The following ADGRL3 variants were observed in gnomAD, a reference collection of about 807,000 sequenced individuals.
ADGRL3 encodes calcium-independent alpha-latrotoxin receptor 3.
Under a neutral mutation model 153.5 loss-of-function variants are expected in ADGRL3, and 62 were observed. The observed-to-expected ratio is 0.40, with a 90% confidence interval of 0.33 to 0.50. The LOEUF (loss-of-function observed/expected upper bound fraction) is 0.50, where lower values mean the gene tolerates loss of function less well. Among genes scored for constraint, ADGRL3 ranks in the 20% least tolerant of loss-of-function variants. The probability of loss-of-function intolerance (pLI) is 0.47; values close to 1 mark genes in which losing one functional copy is unlikely to be tolerated. For missense variants in ADGRL3, 1,641 were observed against 1,859.4 expected, an observed-to-expected ratio of 0.88 and a Z score of 2.16; for synonymous variants, 710 against 672.5, an observed-to-expected ratio of 1.06 and a Z score of -0.86.
At chr4:61,999,507 A>T (rs536463845) in intron 21 of ADGRL3, among the ~76,000 whole-genome samples, 1 of 152,214 alleles carries the variant, frequency 6.6e-6, no homozygotes, top group Non-Finnish European at 1.5e-5. Flanking sequence ...TTGCATTTTC[A>T]TATAATTTGC....
intron 4 of ADGRL3, among the ~76,000 whole-genome samples, chr4:61,550,520 G>A (rs577628602): frequency 6.6e-6 from 1 of 152,024 alleles, no homozygotes. Flanking sequence ...AAAATATTAT[G>A]GCAAAACATA....
chr4:61,625,239 C>T (rs1381055910), intron 5 of ADGRL3, among the ~76,000 whole-genome samples: 1 of 151,876 alleles, frequency 6.6e-6, no homozygotes, highest in African/African-American at 2.4e-5. Flanking sequence ...AGTGAACAAA[C>T]TAGATAAAGT....
At chr4:61,373,789 C>T (rs915122920) in intron 1 of ADGRL3, among the ~76,000 whole-genome samples, 5 of 151,984 alleles carry the variant, frequency 3.3e-5, no homozygotes. Context: ...TAACTTTTTC[C>T]TACAAAAAGC....
chr4:61,414,513 G>C (rs1471872167), intron 2 of ADGRL3, among the ~76,000 whole-genome samples: 2 of 151,984 alleles, frequency 1.3e-5, no homozygotes, highest in Non-Finnish European at 2.9e-5. Flanking sequence ...AAATAGATGA[G>C]TTACTTCAGA....
At chr4:61,959,408 C>CTT (rs1223476745) in intron 17 of ADGRL3, among the ~76,000 whole-genome samples, 2 of 152,082 alleles carry the variant, frequency 1.3e-5, no homozygotes, top group Non-Finnish European at 2.9e-5. Context: ...TCTTTATTAT[C>CTT]TTTAAAAGAC....
intron 2 of ADGRL3, among the ~76,000 whole-genome samples, chr4:61,444,325 A>G (rs1020669178): frequency 1.3e-5 from 2 of 152,064 alleles, no homozygotes; most frequent in African/African-American, 4.8e-5. Context: ...TTCTTGCCAA[A>G]CTTTTGGACT....
chr4:61,477,892 A>G (rs1163392469), intron 2 of ADGRL3, among the ~76,000 whole-genome samples: 1 of 152,022 alleles, frequency 6.6e-6, no homozygotes, highest in African/African-American at 2.4e-5. Flanking sequence ...TCAATTTTTA[A>G]TGTTTAAAGT....
chr4:61,828,524 C>T (rs1000545084), intron 9 of ADGRL3, among the ~76,000 whole-genome samples: 1 of 152,094 alleles, frequency 6.6e-6, no homozygotes, highest in African/African-American at 2.4e-5. Flanking sequence ...AGAAAATGAG[C>T]TTTTAAAAGC....
chr4:61,761,010 G>A (rs1025421597), intron 8 of ADGRL3, among the ~76,000 whole-genome samples: 1 of 152,190 alleles, frequency 6.6e-6, no homozygotes, highest in Non-Finnish European at 1.5e-5. Context: ...AAATCATAGG[G>A]AATTGAAGCT....
At chr4:61,341,525 TTA>T (rs1030743657) in intron 1 of ADGRL3, among the ~76,000 whole-genome samples, 3 of 150,960 alleles carry the variant, frequency 2.0e-5, no homozygotes, top group East Asian at 1.9e-4. Context: ...TATATATTTA[TTA>T]TATATATATA....
At chr4:61,291,585 T>TAC (rs1316007475) in intron 1 of ADGRL3, among the ~76,000 whole-genome samples, 5 of 11,946 alleles carry the variant, frequency 4.2e-4, no homozygotes, top group Non-Finnish European at 1.2e-3. Flanking sequence ...TATATATACA[T>TAC]ATATATATAT....
At chr4:62,007,381 T>C (rs112497093) in intron 21 of ADGRL3, among the ~76,000 whole-genome samples, 108 of 9,312 alleles carry the variant, frequency 0.012, 6 homozygotes, top group South Asian at 0.1. Flanking sequence ...TATATATATA[T>C]ATACACACAC....
At chr4:61,337,877 A>ACT (rs910488280) in intron 1 of ADGRL3, among the ~76,000 whole-genome samples, 8 of 151,146 alleles carry the variant, frequency 5.3e-5, no homozygotes, top group African/African-American at 7.3e-5. Context: ...TTAAACACAT[A>ACT]CTCTCTCTCT....
chr4:61,317,995 G>A (rs993526352), intron 1 of ADGRL3, among the ~76,000 whole-genome samples: 3 of 151,856 alleles, frequency 2.0e-5, no homozygotes, highest in African/African-American at 7.3e-5. Flanking sequence ...GGCCAACATG[G>A]TGAAACCCCA....
At chr4:61,589,115 A>T (rs973705089) in intron 5 of ADGRL3, among the ~76,000 whole-genome samples, 24 of 152,192 alleles carry the variant, frequency 1.6e-4, no homozygotes, top group African/African-American at 5.8e-4. Flanking sequence ...ACTATATGGG[A>T]TGCGTACACT....
At chr4:62,001,534 A>C (rs969437920) in intron 21 of ADGRL3, among the ~76,000 whole-genome samples, 9 of 152,192 alleles carry the variant, frequency 5.9e-5, no homozygotes, top group Non-Finnish European at 1.2e-4. Context: ...TTTCATTTTT[A>C]TTTAAAATAC....
intron 4 of ADGRL3, among the ~76,000 whole-genome samples, chr4:61,540,783 AAC>A (rs1225985577): frequency 1.3e-5 from 2 of 151,898 alleles, no homozygotes; most frequent in Non-Finnish European, 2.9e-5. Flanking sequence ...ATATTGAAAG[AAC>A]ACACAAAAAA....
intron 1 of ADGRL3, among the ~76,000 whole-genome samples, chr4:61,221,891 G>A (rs1012997433): frequency 5.3e-5 from 8 of 151,980 alleles, no homozygotes; most frequent in African/African-American, 1.7e-4. Flanking sequence ...ATTTCAATCA[G>A]CATGCTCCTA....
intron 9 of ADGRL3, among the ~76,000 whole-genome samples, chr4:61,846,946 T>TTGTGTGTGTGTGTGTGTGTGTG (rs1561348861): frequency 1.6e-5 from 2 of 123,834 alleles, no homozygotes; most frequent in African/African-American, 7.3e-5. Flanking sequence ...ATTTTATATA[T>TTGTGTGTGTGTGTGTGTGTGTG]TATGTGTGTG....
Sources: allele counts gnomAD v4.1 joint callset (sites outside exome capture counted in the v4.1 genomes callset), GRCh38; gene constraint gnomAD v4.1.1; transcripts MANE v1.5; gene names NCBI Gene and HGNC (gene_info 2026-07-23, HGNC 2026-07-21).